BMP5: variants seen among roughly 807,000 people sequenced by gnomAD.
BMP5 encodes the protein bone morphogenetic protein 5.
A neutral mutation model predicts 46.6 loss-of-function variants in BMP5; 23 were observed. That is an observed-to-expected ratio of 0.49 (90% CI 0.35 to 0.70). The LOEUF (loss-of-function observed/expected upper bound fraction) is 0.70. Ranked by LOEUF, BMP5 falls within the 30% of genes least tolerant of loss-of-function variation. The pLI is 0.00. For synonymous variants in BMP5, 204 were observed against 191.9 expected (o/e 1.06, Z -0.52); for missense variants, 545 against 565.6 (o/e 0.96, Z 0.37).
At chr6:55,842,631 C>T (rs995256167) in intron 1 of BMP5, among the ~76,000 whole-genome samples, 6 of 151,810 alleles carry the variant, frequency 4.0e-5, no homozygotes, top group Non-Finnish European at 8.8e-5. Context: ...TGCATTACGC[C>T]GGCCCCTCAA....
At chr6:55,841,882 G>A (rs1034806086) in intron 1 of BMP5, among the ~76,000 whole-genome samples, 3 of 151,012 alleles carry the variant, frequency 2.0e-5, no homozygotes, top group Non-Finnish European at 2.9e-5. Context: ...AATTTGGAGA[G>A]AACAAAGTTC....
chr6:55,805,010 T>G (rs1482366591), intron 2 of BMP5, among the ~76,000 whole-genome samples: 1 of 152,146 alleles, frequency 6.6e-6, no homozygotes, highest in Non-Finnish European at 1.5e-5. Flanking sequence ...AGAGTTCAAA[T>G]GCAAAATTTC....
intron 2 of BMP5, among the ~76,000 whole-genome samples, chr6:55,818,318 A>T (rs1776326219): frequency 6.6e-6 from 1 of 151,852 alleles, no homozygotes; most frequent in Non-Finnish European, 1.5e-5. Context: ...AAGTGATCTG[A>T]TTATTATATC....
intron 2 of BMP5, among the ~76,000 whole-genome samples, chr6:55,812,977 C>G (rs374319481): frequency 5.3e-4 from 81 of 152,130 alleles, no homozygotes; most frequent in African/African-American, 1.9e-3. Context: ...TTACTCTTCT[C>G]AGAGAATTCT....
chr6:55,874,259 G>A (rs1777848668), intron 1 of BMP5, 117 bp downstream of exon 1: 6 of 1,310,802 alleles, frequency 4.6e-6, no homozygotes, highest in Non-Finnish European at 5.4e-6. Context: ...AGCTAAACAG[G>A]AGAGTTAGAG....
chr6:55,764,571 CA>C (rs57293392), intron 4 of BMP5, among the ~76,000 whole-genome samples: 63,583 of 109,978 alleles, frequency 0.58, 14,547 homozygotes, highest in South Asian at 0.67. Context: ...GACTCTGTCT[CA>C]AAAAAAAAAA....
chr6:55,791,709 GA>G (rs1562039837), intron 3 of BMP5, among the ~76,000 whole-genome samples: 2 of 151,784 alleles, frequency 1.3e-5, no homozygotes, highest in African/African-American at 2.4e-5. Context: ...AAGAGTGGGG[GA>G]AAAAACAAAA....
chr6:55,810,139 T>C (rs567581133), intron 2 of BMP5, among the ~76,000 whole-genome samples: 64 of 152,284 alleles, frequency 4.2e-4, no homozygotes, highest in African/African-American at 1.4e-3. Context: ...AGAATTTGAA[T>C]TGGGTTTCAA....
Position 55,874,871 on chromosome 6 carries a change from T to C in BMP5, c.-6A>G. ...AAAAATACAGTCAGATGCATTTTTG[T>C]CCAAAAGCAAAAGTTGATATTTTTA... On this transcript the variant is annotated 5_prime_UTR_variant, in exon 1 of 7. Transcript: ENST00000370830. The C allele has an allele frequency of 1.2e-6, 2 of 1,612,322 alleles. No homozygotes were observed. Among genetic ancestry groups the C allele is most frequent in the South Asian group, 2.2e-5 (2 of 91,002 alleles).
chr6:55,765,321 CTT>C (rs1562026709), intron 4 of BMP5, among the ~76,000 whole-genome samples: 1 of 151,954 alleles, frequency 6.6e-6, no homozygotes, highest in African/African-American at 2.4e-5. Flanking sequence ...AGAAATAAAA[CTT>C]AACATTTAAC....
intron 4 of BMP5, among the ~76,000 whole-genome samples, chr6:55,764,150 T>A (rs1487626073): frequency 6.6e-6 from 1 of 152,202 alleles, no homozygotes; most frequent in Non-Finnish European, 1.5e-5. Context: ...AAGTTGAAGA[T>A]ACATCTGCAC....
chr6:55,754,098 G>A lies in BMP5; in HGVS notation c.*1435C>T, dbSNP rs963651905. 8 of 151,938 alleles carry A rather than the reference G, an allele frequency of 5.3e-5. No homozygotes were observed. The highest frequency in any genetic ancestry group is 7.4e-5 in the Non-Finnish European group (5 of 67,900). 9.4% of individuals were successfully genotyped at this position (151,938 alleles called of 1,614,324 possible). On this transcript the variant is annotated 3_prime_UTR_variant, in exon 7 of 7. Coordinates refer to ENST00000370830, the MANE Select transcript of BMP5 (RefSeq NM_021073.4). Reference sequence around the variant, plus strand: ...ATTTTTGAAGACATTTTTGGTATACGTTTGGTTTGAAAGATCCAAAAGGAT... The same window carrying A: ...ATTTTTGAAGACATTTTTGGTATACATTTGGTTTGAAAGATCCAAAAGGAT...
chr6:55,837,472 TG>T (rs1776843848), intron 1 of BMP5, among the ~76,000 whole-genome samples: 1 of 152,152 alleles, frequency 6.6e-6, no homozygotes, highest in Non-Finnish European at 1.5e-5. Flanking sequence ...CTTTTAAATC[TG>T]TTTCATTAAG....
intron 3 of BMP5, among the ~76,000 whole-genome samples, chr6:55,786,379 A>G (rs144959694): frequency 9.9e-4 from 151 of 151,876 alleles, no homozygotes; most frequent in African/African-American, 3.4e-3. Flanking sequence ...TAATTCCTAG[A>G]CAAGAAGTCA....
chr6:55,841,280 T>C (rs1409542865), intron 1 of BMP5, among the ~76,000 whole-genome samples: 2 of 152,138 alleles, frequency 1.3e-5, no homozygotes, highest in African/African-American at 2.4e-5. Context: ...TTTTCAGTTA[T>C]TTTTTTCTAC....
At chr6:55,792,022 C>T (rs1775582636) in intron 3 of BMP5, among the ~76,000 whole-genome samples, 1 of 152,182 alleles carries the variant, frequency 6.6e-6, no homozygotes, top group Non-Finnish European at 1.5e-5. Context: ...TTGTGCTTTA[C>T]TCAGTCTACA....
intron 2 of BMP5, among the ~76,000 whole-genome samples, chr6:55,809,201 C>T (rs894906517): frequency 6.6e-6 from 1 of 152,032 alleles, no homozygotes; most frequent in Non-Finnish European, 1.5e-5. Flanking sequence ...TAAAAGAATA[C>T]ACAAATAAAA....
rs749127959 is a variant in BMP5, at chr6:55,759,124, T to TACACACACACACAC, written c.1105-23_1105-10dup. ...GGTGCTATAATCCAGTCCTGACACA[T>TACACACACACACAC]ACACACACACACACACACACAAAAA... On this transcript the variant is annotated splice_polypyrimidine_tract_variant and intron_variant, in intron 5 of 6. Transcript: ENST00000370830. 21 of 437,226 alleles carry TACACACACACACAC rather than the reference T, an allele frequency of 4.8e-5. 2 individuals carry two copies. The highest frequency in any genetic ancestry group is 1.2e-4 in the African/African-American group (3 of 24,782). The allele number at this position is 437,226 out of a possible 1,614,324, so 27.1% of individuals were successfully genotyped here.
At chr6:55,766,750 A>G (rs1421669692) in intron 4 of BMP5, among the ~76,000 whole-genome samples, 1 of 152,024 alleles carries the variant, frequency 6.6e-6, no homozygotes, top group Non-Finnish European at 1.5e-5. Context: ...TGGCCCCTTA[A>G]TAATTTCCTA....
Sources: gnomAD v4.1 joint callset for allele counts (sites outside exome capture counted in the v4.1 genomes callset) on GRCh38, gnomAD v4.1.1 for gene constraint, MANE v1.5 for transcripts, NCBI Gene and HGNC (gene_info 2026-07-23, HGNC 2026-07-21) for gene names.